Variants in SMIM32 observed in about 807,000 individuals in gnomAD.
The protein encoded by SMIM32 is small integral membrane protein 32.
In SMIM32, 1 loss-of-function variant was observed where a neutral mutation model predicts 1.6. The ratio of observed to expected loss-of-function variants is 0.64; its 90% CI spans 0.23 to 3.02. SMIM32 has a LOEUF of 3.02. Ranked by LOEUF, SMIM32 falls within the 30% of genes most tolerant of loss-of-function variation. The pLI, the probability that SMIM32 is intolerant of heterozygous loss-of-function variation, is 0.21. For missense variants in SMIM32, 99 were observed against 60.5 expected (o/e 1.64, Z -2.11); for synonymous variants, 53 against 31.3 (o/e 1.69, Z -2.31).
At position 136,192,104 on chromosome 5, in the gene SMIM32, T is replaced by C; in HGVS notation, c.*109A>G. 1.7e-6 allele frequency: 1 copy of C among 600,626 alleles called. No individual in the cohort carries two copies. 37.2% of individuals were successfully genotyped at this position (600,626 alleles called of 1,614,324 possible). Reference sequence around the variant, plus strand: ...AGGGTCTTTGGGTCAGGGCACCGTGTTCCCAGGGGCCAGCGATCCCCGGTG... The same window carrying C: ...AGGGTCTTTGGGTCAGGGCACCGTGCTCCCAGGGGCCAGCGATCCCCGGTG... On this transcript the variant is annotated 3_prime_UTR_variant, in exon 1 of 1. Coordinates refer to ENST00000607574, the MANE Select transcript of SMIM32 (RefSeq NM_001350994.2).
At position 136,192,451 on chromosome 5, in the gene SMIM32, G is replaced by A. The variant is rs1754839411; in HGVS notation, c.74C>T (p.Thr25Met). ...CGGCAAAGCGCCTTCTGCCTTGACC[G>A]TGGCTCCTGGGGCCAGCGCGCTGCC... The part of the protein sequence containing the change: ...AVGSALAPGA[T>M]VKAEGALPLE... Residue 25 changes from threonine (T) to methionine (M), a missense_variant, in exon 1 of 1, where the codon ACG becomes ATG. Physicochemically the swap from Thr to Met is moderately conservative, Grantham distance 81. Coordinates refer to ENST00000607574, the MANE Select transcript of SMIM32 (RefSeq NM_001350994.2). 4.3e-6 allele frequency: 3 copies of A among 701,134 alleles called. No homozygotes were observed. Among genetic ancestry groups the A allele is most frequent in the Non-Finnish European group, 5.2e-6 (2 of 383,920 alleles). 43.4% of individuals were successfully genotyped at this position (701,134 alleles called of 1,614,324 possible).
At position 136,192,007 on chromosome 5, in the gene SMIM32, G is replaced by A; in HGVS notation, c.*206C>T. 1.9e-6 allele frequency: 1 copy of A among 534,500 alleles called. No individual in the cohort carries two copies. Among genetic ancestry groups the A allele is most frequent in the Non-Finnish European group, 3.3e-6 (1 of 305,584 alleles). 33.1% of individuals were successfully genotyped at this position (534,500 alleles called of 1,614,324 possible). A position where few individuals can be genotyped will look rare whatever the true frequency, so the allele number is the denominator to read the frequency against. ...AGAATCACGGTACCTACAGGTACTG[G>A]GATCGAGACCCTACACAGGCTCCCG... On this transcript the variant is annotated 3_prime_UTR_variant, in exon 1 of 1. Transcript: ENST00000607574.
In SMIM32 at chr5:136,192,374, C is replaced by A. The variant is rs1480042962; in HGVS notation, c.151G>T (p.Asp51Tyr). ...AAGAGCAGCAGGTAGGTGGGCAGGTCGGGCTTTGTGGCCGCGCCGTCCCTC... is the reference window on the plus strand; with the variant it reads ...AAGAGCAGCAGGTAGGTGGGCAGGTAGGGCTTTGTGGCCGCGCCGTCCCTC... ...GMRDGAATKP[D>Y]LPTYLLLFFL... The change falls in exon 1 of 1, where the codon GAC becomes TAC. Residue 51 changes from aspartate to tyrosine, a missense_variant. Asp to Tyr is a radical substitution (Grantham distance 160, BLOSUM62 -3). Coordinates refer to ENST00000607574, the MANE Select transcript of SMIM32 (RefSeq NM_001350994.2). 1.4e-6 allele frequency: 1 copy of A among 702,376 alleles called. No individual in the cohort carries two copies. Among genetic ancestry groups the A allele is most frequent in the Admixed American group, 2.0e-5 (1 of 50,006 alleles). 43.5% of individuals were successfully genotyped at this position (702,376 alleles called of 1,614,324 possible).
rs140650278 is a variant in SMIM32 at position 136,191,481 on chromosome 5, G to GT, written c.*731dup. 31,986 of 152,042 alleles carry GT rather than the reference G, an allele frequency of 0.21. 3,448 individuals carry two copies. The highest frequency in any genetic ancestry group is 0.25 in the African/African-American group (10,432 of 41,464). 9.4% of individuals were successfully genotyped at this position (152,042 alleles called of 1,614,324 possible). A position where few individuals can be genotyped will look rare whatever the true frequency, so the allele number is the denominator to read the frequency against. ...CGTTCTCAGCGCTAGGTCTAATTGGGTGAGTTTTTATTGTAGAAATGCGCC... is the reference window on the plus strand; with the variant it reads ...CGTTCTCAGCGCTAGGTCTAATTGGGTTGAGTTTTTATTGTAGAAATGCGCC... On this transcript the variant is annotated 3_prime_UTR_variant, in exon 1 of 1. Transcript: ENST00000607574.
Position 136,192,445 on chromosome 5 carries a change from T to C in SMIM32, c.80A>G (p.Lys27Arg), listed in dbSNP as rs1754839218. ...CTCCAGCGGCAAAGCGCCTTCTGCC[T>C]TGACCGTGGCTCCTGGGGCCAGCGC... ...GSALAPGATV[K>R]AEGALPLELA... is the part of the protein sequence containing the mutation. Residue 27 changes from lysine (K) to arginine (R), a missense_variant, in exon 1 of 1, where the codon AAG (lysine) becomes AGG (arginine). By Grantham distance (26) the Lys-to-Arg change is conservative. Coordinates refer to ENST00000607574, the MANE Select transcript of SMIM32 (RefSeq NM_001350994.2). The C allele has an allele frequency of 1.4e-6, 1 of 701,602 alleles. No homozygotes were observed. Among genetic ancestry groups the C allele is most frequent in the Non-Finnish European group, 2.6e-6 (1 of 384,214 alleles). 43.5% of individuals were successfully genotyped at this position (701,602 alleles called of 1,614,324 possible).
rs575828875 is a variant in SMIM32, at chr5:136,192,612, T to G, written c.-88A>C. 1.2e-5 allele frequency: 7 copies of G among 584,292 alleles called. No homozygotes were observed. In the South Asian group the frequency reaches 1.2e-4, roughly 10 times the overall value. 36.2% of individuals were successfully genotyped at this position (584,292 alleles called of 1,614,324 possible). A position where few individuals can be genotyped will look rare whatever the true frequency, so the allele number is the denominator to read the frequency against. ...ACCCGGCGCCTCCATGGCGCGCCCCTCCCGCCCTGCCGCGCCCAACTGACC... is the reference window on the plus strand; with the variant it reads ...ACCCGGCGCCTCCATGGCGCGCCCCGCCCGCCCTGCCGCGCCCAACTGACC... On this transcript the variant is annotated 5_prime_UTR_variant, in exon 1 of 1. Coordinates refer to ENST00000607574, the MANE Select transcript of SMIM32 (RefSeq NM_001350994.2).
rs1197168770 is a variant in SMIM32 at position 136,192,447 on chromosome 5, G to A, written c.78C>T (p.Val26=). Residue 26 remains valine, a synonymous_variant, in exon 1 of 1, where the codon GTC becomes GTT. Coordinates refer to ENST00000607574, the MANE Select transcript of SMIM32 (RefSeq NM_001350994.2). ...VGSALAPGAT[V]KAEGALPLEL... is the part of the protein sequence containing the mutation. ...CCAGCGGCAAAGCGCCTTCTGCCTTGACCGTGGCTCCTGGGGCCAGCGCGC... is the reference window on the plus strand; with the variant it reads ...CCAGCGGCAAAGCGCCTTCTGCCTTAACCGTGGCTCCTGGGGCCAGCGCGC... 1 of 701,354 alleles carries A rather than the reference G, an allele frequency of 1.4e-6. No homozygotes were observed. Among genetic ancestry groups the A allele is most frequent in the Non-Finnish European group, 2.6e-6 (1 of 384,118 alleles). The allele number at this position is 701,354 out of a possible 1,614,324, so 43.4% of individuals were successfully genotyped here. A position where few individuals can be genotyped will look rare whatever the true frequency, so the allele number is the denominator to read the frequency against.
Position 136,192,662 on chromosome 5 carries a change from G to A in SMIM32, c.-138C>T, listed in dbSNP as rs765310181. 12 of 577,204 alleles carry A rather than the reference G, an allele frequency of 2.1e-5. No homozygotes were observed. The highest frequency in any genetic ancestry group is 3.0e-5 in the Non-Finnish European group (10 of 327,908). The allele number at this position is 577,204 out of a possible 1,614,324, so 35.8% of individuals were successfully genotyped here. On this transcript the variant is annotated 5_prime_UTR_variant, in exon 1 of 1. Coordinates refer to ENST00000607574, the MANE Select transcript of SMIM32 (RefSeq NM_001350994.2). ...CGAGAGTCGGTGCCTTGGGGCCGGCGGGGACTGCAAAGACCCCGGGACGCG... is the reference window on the plus strand; with the variant it reads ...CGAGAGTCGGTGCCTTGGGGCCGGCAGGGACTGCAAAGACCCCGGGACGCG...
rs1580817180 is a variant in SMIM32, at chr5:136,192,426, C to T, written c.99G>A (p.Pro33=). 1.4e-6 allele frequency: 1 copy of T among 701,964 alleles called. No homozygotes were observed. Among genetic ancestry groups the T allele is most frequent in the Non-Finnish European group, 2.6e-6 (1 of 384,570 alleles). 43.5% of individuals were successfully genotyped at this position (701,964 alleles called of 1,614,324 possible). Reference sequence around the variant, plus strand: ...TACCGCGCGCAGTGGCCAGCTCCAGCGGCAAAGCGCCTTCTGCCTTGACCG... The same window carrying T: ...TACCGCGCGCAGTGGCCAGCTCCAGTGGCAAAGCGCCTTCTGCCTTGACCG... ...GATVKAEGAL[P]LELATARGMR... Residue 33 remains proline, a synonymous_variant, in exon 1 of 1, where the codon CCG becomes CCA. Coordinates refer to ENST00000607574, the MANE Select transcript of SMIM32 (RefSeq NM_001350994.2).
chr5:136,192,594 G>A lies in SMIM32; in HGVS notation c.-70C>T, dbSNP rs541925009. On this transcript the variant is annotated 5_prime_UTR_variant, in exon 1 of 1. Coordinates refer to ENST00000607574, the MANE Select transcript of SMIM32 (RefSeq NM_001350994.2). ...CTGGAGCATACTGGCGCGACCCGGC[G>A]CCTCCATGGCGCGCCCCTCCCGCCC... The A allele has an allele frequency of 5.1e-6, 3 of 584,358 alleles. No homozygotes were observed. In the African/African-American group the frequency reaches 5.9e-5, roughly 11 times the overall value. 36.2% of individuals were successfully genotyped at this position (584,358 alleles called of 1,614,324 possible).
chr5:136,192,413 T>G lies in SMIM32; in HGVS notation c.112A>C (p.Thr38Pro), dbSNP rs893394592. 2.6e-5 allele frequency: 18 copies of G among 701,986 alleles called. No homozygotes were observed. In the African/African-American group the frequency reaches 2.8e-4, roughly 11 times the overall value. 43.5% of individuals were successfully genotyped at this position (701,986 alleles called of 1,614,324 possible). Residue 38 changes from threonine to proline, a missense_variant, in exon 1 of 1, where the codon ACT becomes CCT. Thr to Pro is a conservative substitution (Grantham distance 38). Coordinates refer to ENST00000607574, the MANE Select transcript of SMIM32 (RefSeq NM_001350994.2). Reference protein sequence around the residue: ...AEGALPLELATARGMRDGAAT... With the variant: ...AEGALPLELAPARGMRDGAAT... ...GCGCCGTCCCTCATACCGCGCGCAG[T>G]GGCCAGCTCCAGCGGCAAAGCGCCT...
rs1561668287 is a variant in SMIM32 at position 136,192,125 on chromosome 5, C to T, written c.*88G>A. On this transcript the variant is annotated 3_prime_UTR_variant, in exon 1 of 1. Transcript: ENST00000607574. ...CGTGTTCCCAGGGGCCAGCGATCCC[C>T]GGTGTCGTGCCCTCCCTACCAGGCT... 1.6e-6 allele frequency: 1 copy of T among 606,486 alleles called. No individual in the cohort carries two copies. The highest frequency in any genetic ancestry group is 1.9e-5 in the South Asian group (1 of 51,734). The allele number at this position is 606,486 out of a possible 1,614,324, so 37.6% of individuals were successfully genotyped here.
In SMIM32 at chr5:136,192,471, G is replaced by A. The variant is rs1391479760; in HGVS notation, c.54C>T (p.Ser18=). 2.9e-6 allele frequency: 2 copies of A among 696,390 alleles called. No individual in the cohort carries two copies. The highest frequency in any genetic ancestry group is 1.5e-5 in the South Asian group (1 of 67,334). The allele number at this position is 696,390 out of a possible 1,614,324, so 43.1% of individuals were successfully genotyped here. A position where few individuals can be genotyped will look rare whatever the true frequency, so the allele number is the denominator to read the frequency against. Residue 18 remains serine (S), a synonymous_variant, in exon 1 of 1, where the codon AGC becomes AGT. Transcript: ENST00000607574. ...ATGGPEAAVG[S]ALAPGATVKA... ...TGACCGTGGCTCCTGGGGCCAGCGC[G>A]CTGCCTACCGCCGCCTCGGGGCCGC...
rs1474160734 is a variant in SMIM32, at chr5:136,191,477, T to C, written c.*736A>G. ...AGCACGTTCTCAGCGCTAGGTCTAA[T>C]TGGGTGAGTTTTTATTGTAGAAATG... On this transcript the variant is annotated 3_prime_UTR_variant, in exon 1 of 1. Coordinates refer to ENST00000607574, the MANE Select transcript of SMIM32 (RefSeq NM_001350994.2). 7.0e-6 allele frequency: 1 copy of C among 143,854 alleles called. No homozygotes were observed. 8.9% of individuals were successfully genotyped at this position (143,854 alleles called of 1,614,324 possible).
Position 136,191,951 on chromosome 5 carries a change from T to C in SMIM32, c.*262A>G. On this transcript the variant is annotated 3_prime_UTR_variant, in exon 1 of 1. Coordinates refer to ENST00000607574, the MANE Select transcript of SMIM32 (RefSeq NM_001350994.2). Reference sequence around the variant, plus strand: ...GAAGGTTTCCCGACTGGACCCTCTGTCCAGAGGAAGAAAGATTTGGCCAGG... The same window carrying C: ...GAAGGTTTCCCGACTGGACCCTCTGCCCAGAGGAAGAAAGATTTGGCCAGG... The C allele has an allele frequency of 7.0e-6, 3 of 427,038 alleles. No homozygotes were observed. The highest frequency in any genetic ancestry group is 1.2e-5 in the Non-Finnish European group (3 of 245,272). The allele number at this position is 427,038 out of a possible 1,614,324, so 26.5% of individuals were successfully genotyped here.
At position 136,192,542 on chromosome 5, in the gene SMIM32, G is replaced by T; in HGVS notation, c.-18C>A. The T allele has an allele frequency of 3.0e-6, 2 of 662,696 alleles. No individual in the cohort carries two copies. Among genetic ancestry groups the T allele is most frequent in the South Asian group, 3.3e-5 (2 of 61,064 alleles). The allele number at this position is 662,696 out of a possible 1,614,324, so 41.1% of individuals were successfully genotyped here. A position where few individuals can be genotyped will look rare whatever the true frequency, so the allele number is the denominator to read the frequency against. Reference sequence around the variant, plus strand: ...CCGTACATGGCCCGCGGGTCCCGCCGACCCCAGCCGGACCGCTTCACTTGG... The same window carrying T: ...CCGTACATGGCCCGCGGGTCCCGCCTACCCCAGCCGGACCGCTTCACTTGG... On this transcript the variant is annotated 5_prime_UTR_variant, in exon 1 of 1. Coordinates refer to ENST00000607574, the MANE Select transcript of SMIM32 (RefSeq NM_001350994.2).
chr5:136,192,114 C>T lies in SMIM32; in HGVS notation c.*99G>A, dbSNP rs887554047. 5.0e-6 allele frequency: 3 copies of T among 603,972 alleles called. No individual in the cohort carries two copies. The African/African-American group carries it at 5.7e-5, about 11-fold the overall frequency. 37.4% of individuals were successfully genotyped at this position (603,972 alleles called of 1,614,324 possible). On this transcript the variant is annotated 3_prime_UTR_variant, in exon 1 of 1. Coordinates refer to ENST00000607574, the MANE Select transcript of SMIM32 (RefSeq NM_001350994.2). ...GGTCAGGGCACCGTGTTCCCAGGGGCCAGCGATCCCCGGTGTCGTGCCCTC... is the reference window on the plus strand; with the variant it reads ...GGTCAGGGCACCGTGTTCCCAGGGGTCAGCGATCCCCGGTGTCGTGCCCTC...
Position 136,192,042 on chromosome 5 carries a change from T to G in SMIM32, c.*171A>C. On this transcript the variant is annotated 3_prime_UTR_variant, in exon 1 of 1. Transcript: ENST00000607574. Reference sequence around the variant, plus strand: ...CCTACACAGGCTCCCGACGCCTCGGTCTCCCTTTCCTCTCGGGTTGCCACT... The same window carrying G: ...CCTACACAGGCTCCCGACGCCTCGGGCTCCCTTTCCTCTCGGGTTGCCACT... The G allele has an allele frequency of 3.6e-6, 2 of 559,644 alleles. No homozygotes were observed. Among genetic ancestry groups the G allele is most frequent in the Non-Finnish European group, 6.3e-6 (2 of 317,536 alleles). 34.7% of individuals were successfully genotyped at this position (559,644 alleles called of 1,614,324 possible). A position where few individuals can be genotyped will look rare whatever the true frequency, so the allele number is the denominator to read the frequency against.
chr5:136,192,330 C>A lies in SMIM32; in HGVS notation c.195G>T (p.Ser65=), dbSNP rs1222393342. The A allele has an allele frequency of 1.4e-6, 1 of 702,392 alleles. No individual in the cohort carries two copies. The highest frequency in any genetic ancestry group is 2.0e-5 in the Admixed American group (1 of 50,014). The allele number at this position is 702,392 out of a possible 1,614,324, so 43.5% of individuals were successfully genotyped here. The change falls in exon 1 of 1, where the codon TCG becomes TCT. Residue 65 remains serine (S), a synonymous_variant. Coordinates refer to ENST00000607574, the MANE Select transcript of SMIM32 (RefSeq NM_001350994.2). ...YLLLFFLLLL[S]VALVVLFIGC... Reference sequence around the variant, plus strand: ...CGATGAAGAGGACGACGAGCGCCACCGAGAGCAGCAGCAGGAAGAAGAGCA... The same window carrying A: ...CGATGAAGAGGACGACGAGCGCCACAGAGAGCAGCAGCAGGAAGAAGAGCA...
Sources: allele counts gnomAD v4.1 joint callset, GRCh38; gene constraint gnomAD v4.1.1; transcripts MANE v1.5; gene names NCBI Gene and HGNC (gene_info 2026-07-23, HGNC 2026-07-21).